JAML: variants seen among roughly 807,000 people sequenced by gnomAD.
The protein encoded by JAML is junctional adhesion molecule-like.
A neutral mutation model predicts 39.3 loss-of-function variants in JAML; 25 were observed. That is an observed-to-expected ratio of 0.64 (90% CI 0.46 to 0.89). The LOEUF (loss-of-function observed/expected upper bound fraction) is 0.89. Ranked by LOEUF, JAML falls within the 40% of genes least tolerant of loss-of-function variation. The pLI, the probability that JAML is intolerant of heterozygous loss-of-function variation, is 0.00. For missense variants in JAML, 440 were observed against 486.9 expected, an observed-to-expected ratio of 0.90 and a Z score of 0.91; for synonymous variants, 162 against 179.2, an observed-to-expected ratio of 0.90 and a Z score of 0.77.
chr11:118,213,022 A>G (rs1591478323), intron 2 of JAML: 3 of 1,610,262 alleles, frequency 1.9e-6, no homozygotes, highest in East Asian at 2.2e-5. Flanking sequence ...TAGTTCCTTT[A>G]CAAAAGCATT....
Position 118,194,411 on chromosome 11 carries a change from C to G in JAML, c.1099G>C (p.Val367Leu). ...SEATYMTMHP[V>L]WPSLRSDRNN... ...CGATCTGACCTCAGAGAAGGCCAAA[C>G]TGGGTGCTGTGGGGGAAGGGCAGAA... Residue 367 changes from valine (V) to leucine (L), a missense_variant, in exon 10 of 10, where the codon GTT (valine) becomes CTT (leucine). Physicochemically the swap from Val to Leu is conservative, Grantham distance 32. Transcript: ENST00000356289. The G allele has an allele frequency of 1.2e-6, 2 of 1,614,080 alleles. No homozygotes were observed. Among genetic ancestry groups the G allele is most frequent in the Non-Finnish European group, 1.7e-6 (2 of 1,179,948 alleles).
chr11:118,208,262 C>G (rs1308845152), intron 4 of JAML, among the ~76,000 whole-genome samples: 1 of 151,844 alleles, frequency 6.6e-6, no homozygotes, highest in African/African-American at 2.4e-5. Context: ...AGAGAGAATC[C>G]TTGGGCACAG....
At chr11:118,213,412 G>GACTCCGTTAAAAAAAAAAAAAAA in intron 2 of JAML, 1 of 890,108 alleles carries the variant, frequency 1.1e-6, no homozygotes, top group Non-Finnish European at 1.3e-6. Context: ...TTCCCTGAGA[G>GACTCCGTTAAAAAAAAAAAAAAA]AAGACAGTTA....
intron 5 of JAML, 46 bp downstream of exon 5, chr11:118,205,836 A>G: frequency 6.4e-7 from 1 of 1,555,288 alleles, no homozygotes; most frequent in South Asian, 1.1e-5. Flanking sequence ...TCCTGATACC[A>G]TCAGCCAGAG....
intron 1 of JAML, among the ~76,000 whole-genome samples, chr11:118,215,783 T>A (rs1339981290): frequency 6.6e-6 from 1 of 152,174 alleles, no homozygotes; most frequent in Non-Finnish European, 1.5e-5. Flanking sequence ...TTCATTTCAT[T>A]GCATTTACCA....
rs560337292 is a variant in JAML at position 118,223,405 on chromosome 11, G to C, written c.-21+1536C>G. The stretch of plus-strand genomic sequence containing the variant: ...CTTATGGTCAAACTATGATTGTATA[G>C]ATTTGTTTATAAGGTTTTATTAAGA... On this transcript the variant is annotated intron_variant, in intron 1 of 9. Transcript: ENST00000356289. Among the ~76,000 whole-genome samples, 5 of 152,258 alleles carry C rather than the reference G, an allele frequency of 3.3e-5. No individual in the cohort carries two copies. In the East Asian group the frequency reaches 9.6e-4, roughly 29 times the overall value.
intron 1 of JAML, among the ~76,000 whole-genome samples, chr11:118,216,248 G>A (rs575290761): frequency 6.6e-6 from 1 of 151,986 alleles, no homozygotes; most frequent in Non-Finnish European, 1.5e-5. Context: ...GCGGCCGCCT[G>A]TAATCCCAGC....
At chr11:118,206,605 C>T (rs754993899) in intron 4 of JAML, among the ~76,000 whole-genome samples, 2 of 152,138 alleles carry the variant, frequency 1.3e-5, no homozygotes, top group African/African-American at 2.4e-5. Flanking sequence ...GTACAAGTCA[C>T]AGGACTCCTT....
At position 118,215,483 on chromosome 11, in the gene JAML, G is replaced by A. The variant is rs147914757; in HGVS notation, c.-20-597C>T. On this transcript the variant is annotated intron_variant, in intron 1 of 9. Transcript: ENST00000356289. The stretch of plus-strand genomic sequence containing the variant: ...TCCTGTCTCAGCCTCCTGAGTAGCC[G>A]AGACTACAGGCATGCTACACCACAC... Among the ~76,000 whole-genome samples, 58 of 151,960 alleles carry A rather than the reference G, an allele frequency of 3.8e-4. No individual in the cohort carries two copies. The East Asian group carries it at 9.9e-3, about 26-fold the overall frequency.
rs1224013315 is a variant in JAML, at chr11:118,210,593, C to T, written c.318G>A (p.Val106=). 1 of 1,614,228 alleles carries T rather than the reference C, an allele frequency of 6.2e-7. No individual in the cohort carries two copies. Among genetic ancestry groups the T allele is most frequent in the South Asian group, 1.1e-5 (1 of 91,086 alleles). The stretch of plus-strand genomic sequence containing the variant: ...TATAGGTTCCCTGGTCAGCCTCTTG[C>T]ACATCTTGGAGCAGGAGAGAGCCAT... ...CNDGSLLLQD[V]QEADQGTYIC... is the part of the protein sequence containing the mutation. Residue 106 remains valine (V), a synonymous_variant, in exon 4 of 10, where the codon GTG becomes GTA. Transcript: ENST00000356289.
At chr11:118,217,891 A>G (rs775400953) in intron 1 of JAML, among the ~76,000 whole-genome samples, 13 of 152,242 alleles carry the variant, frequency 8.5e-5, no homozygotes, top group Non-Finnish European at 1.3e-4. Flanking sequence ...AAAGTAATCA[A>G]TATTTTAGAG....
rs1466218240 is a variant in JAML, at chr11:118,194,172, G to T, written c.*153C>A. On this transcript the variant is annotated 3_prime_UTR_variant, in exon 10 of 10. Transcript: ENST00000356289. ...CAGAGCTGTCCAGTCTCTCTGCCAGGCTCCAAATTCTCCATCTTCAGTGTA... is the reference window on the plus strand; with the variant it reads ...CAGAGCTGTCCAGTCTCTCTGCCAGTCTCCAAATTCTCCATCTTCAGTGTA... 1 of 675,690 alleles carries T rather than the reference G, an allele frequency of 1.5e-6. No individual in the cohort carries two copies. The allele number at this position is 675,690 out of a possible 1,614,324, so 41.9% of individuals were successfully genotyped here. A position where few individuals can be genotyped will look rare whatever the true frequency, so the allele number is the denominator to read the frequency against.
At chr11:118,205,302 G>A (rs1158744029) in intron 5 of JAML, 2 of 152,342 alleles carry the variant, frequency 1.3e-5, no homozygotes, top group African/African-American at 4.8e-5. Flanking sequence ...CCACATCATG[G>A]TTGAGAGCTA....
chr11:118,212,428 C>CA lies in JAML; in HGVS notation c.176dup (p.Ser60ValfsTer39). The CA allele has an allele frequency of 6.2e-7, 1 of 1,614,114 alleles. No homozygotes were observed. Among genetic ancestry groups the CA allele is most frequent in the South Asian group, 1.1e-5 (1 of 91,084 alleles). On this transcript the variant is annotated frameshift_variant, in exon 3 of 10. Transcript: ENST00000356289. LOFTEE classifies it high-confidence loss of function. ...TTACCTTGGCGTGCTCTCCTGGTGA[C>CA]AGAGTCCAGTCTATCTTGAATATAC...
chr11:118,218,620 C>T (rs928763899), intron 1 of JAML, among the ~76,000 whole-genome samples: 2 of 152,134 alleles, frequency 1.3e-5, no homozygotes, highest in African/African-American at 4.8e-5. Flanking sequence ...CAAATGAGTT[C>T]ATAACACCTT....
rs565368267 is a variant in JAML at position 118,197,197 on chromosome 11, G to T, written c.1006-376C>A. On this transcript the variant is annotated intron_variant, in intron 8 of 9. Transcript: ENST00000356289. ...TGAATTGTCATCATCTCCCTCAGAG[G>T]ATTTATGTGGCAGGGCCAGCCCTCA... 13 of 218,302 alleles carry T rather than the reference G, an allele frequency of 6.0e-5. No individual in the cohort carries two copies. In the South Asian group the frequency reaches 6.1e-4, roughly 10 times the overall value. The allele number at this position is 218,302 out of a possible 1,614,324, so 13.5% of individuals were successfully genotyped here.
intron 4 of JAML, among the ~76,000 whole-genome samples, chr11:118,210,105 T>A (rs1280756970): frequency 6.6e-6 from 1 of 152,180 alleles, no homozygotes; most frequent in African/African-American, 2.4e-5. Flanking sequence ...TCAATGTGGA[T>A]AACTGATGAA....
In JAML at chr11:118,224,692, T is replaced by C. The variant is rs3824942; in HGVS notation, c.-21+249A>G. On this transcript the variant is annotated intron_variant, in intron 1 of 9. Transcript: ENST00000356289. ...AAGCCTTGTCATAATCATTGTCACG[T>C]ACTCTTATTATGATGAAACTTTGCT... Among the ~76,000 whole-genome samples, 144 of 152,304 alleles carry C rather than the reference T, an allele frequency of 9.5e-4. 3 individuals carry two copies. In the East Asian group the frequency reaches 0.027, roughly 29 times the overall value.
intron 1 of JAML, among the ~76,000 whole-genome samples, chr11:118,220,332 A>G (rs534513504): frequency 1.3e-5 from 2 of 152,300 alleles, no homozygotes; most frequent in African/African-American, 4.8e-5. Flanking sequence ...ACCCAAGTCC[A>G]TCAGTGGATG....
Sources: allele counts gnomAD v4.1 joint callset (sites outside exome capture counted in the v4.1 genomes callset), GRCh38; gene constraint gnomAD v4.1.1; transcripts MANE v1.5; gene names NCBI Gene and HGNC (gene_info 2026-07-23, HGNC 2026-07-21).